Variants in ANKRD36C observed in about 807,000 individuals in gnomAD.
The protein encoded by ANKRD36C is ankyrin repeat domain 36C.
A neutral mutation model predicts 276.4 loss-of-function variants in ANKRD36C; 61 were observed. The observed-to-expected ratio is 0.22, with a 90% CI of 0.18 to 0.27. ANKRD36C has a LOEUF of 0.27. ANKRD36C is among the 10% of genes least tolerant of loss of function. The pLI, the probability that ANKRD36C is intolerant of heterozygous loss-of-function variation, is 1.00. For missense variants in ANKRD36C, 1,447 were observed against 2,032.3 expected, an observed-to-expected ratio of 0.71 and a Z score of 5.54; for synonymous variants, 483 against 680.1, an observed-to-expected ratio of 0.71 and a Z score of 4.51.
chr2:95,972,301 A>G (rs1678716144), intron 6 of ANKRD36C, among the ~76,000 whole-genome samples: 2 of 152,206 alleles, frequency 1.3e-5, no homozygotes, highest in African/African-American at 4.8e-5. Flanking sequence ...TGTGTGAGAC[A>G]GAATGCCTAT....
intron 19 of ANKRD36C, among the ~76,000 whole-genome samples, chr2:95,941,483 G>A (rs1677890256): frequency 1.3e-5 from 2 of 152,332 alleles, no homozygotes; most frequent in Non-Finnish European, 2.9e-5. Flanking sequence ...GGAAGCTTCT[G>A]AGACACTGTA....
chr2:95,891,525 GA>G (rs1676357755), intron 46 of ANKRD36C, 139 bp downstream of exon 66: 13 of 1,202,858 alleles, frequency 1.1e-5, no homozygotes, highest in Non-Finnish European at 1.4e-5. Flanking sequence ...CATCACCCAA[GA>G]ACTTATTTGA....
chr2:95,981,235 A>G (rs971120331), intron 4 of ANKRD36C, among the ~76,000 whole-genome samples: 2 of 151,610 alleles, frequency 1.3e-5, no homozygotes, highest in African/African-American at 4.8e-5. Flanking sequence ...AATGATGCTC[A>G]TAAGCATGTG....
chr2:95,982,503 G>A (rs1678943353), intron 3 of ANKRD36C, 141 bp from the exon 4 acceptor site: 1 of 701,162 alleles, frequency 1.4e-6, no homozygotes, highest in Non-Finnish European at 2.2e-6. Flanking sequence ...TCCCTCCTCG[G>A]TGCTTTTCTA....
At chr2:95,964,711 G>A (rs2104512026) in intron 6 of ANKRD36C, among the ~76,000 whole-genome samples, 1 of 151,974 alleles carries the variant, frequency 6.6e-6, no homozygotes, top group African/African-American at 2.4e-5. Context: ...CTCTTATTTT[G>A]TCTCTATGCT....
chr2:95,865,600 G>A (rs2950733), intron 60 of ANKRD36C, among the ~76,000 whole-genome samples: 1 of 152,042 alleles, frequency 6.6e-6, no homozygotes, highest in Non-Finnish European at 1.5e-5. Flanking sequence ...TCTAAACACA[G>A]AATACATTTG....
At chr2:95,974,024 C>T (rs1363362079) in intron 6 of ANKRD36C, among the ~76,000 whole-genome samples, 2 of 150,350 alleles carry the variant, frequency 1.3e-5, no homozygotes, top group South Asian at 2.1e-4. Context: ...GTGCTCTAGC[C>T]TGGGAAACAG....
intron 6 of ANKRD36C, among the ~76,000 whole-genome samples, chr2:95,973,031 G>A (rs1329358310): frequency 1.3e-5 from 2 of 151,990 alleles, no homozygotes; most frequent in African/African-American, 2.4e-5. Flanking sequence ...GATTGCTTGA[G>A]ATCAAAAGTT....
intron 59 of ANKRD36C, among the ~76,000 whole-genome samples, chr2:95,872,315 T>A (rs903634207): frequency 2.0e-5 from 3 of 151,062 alleles, no homozygotes; most frequent in South Asian, 2.1e-4. Flanking sequence ...TAACAAACTG[T>A]CTGTCAGACC....
At chr2:95,885,267 C>T (rs954666176) in intron 52 of ANKRD36C, among the ~76,000 whole-genome samples, 9 of 151,674 alleles carry the variant, frequency 5.9e-5, no homozygotes, top group Non-Finnish European at 1.3e-4. Context: ...CATCCAATAG[C>T]TATTTTACCC....
At chr2:95,881,470 G>A (rs1676075987) in intron 56 of ANKRD36C, among the ~76,000 whole-genome samples, 1 of 151,234 alleles carries the variant, frequency 6.6e-6, no homozygotes, top group Non-Finnish European at 1.5e-5. Flanking sequence ...TGTAAAATTA[G>A]TCTGCTCTGG....
chr2:95,884,255 A>C lies in ANKRD36C; in HGVS notation c.3193-10T>G. The C allele has an allele frequency of 6.2e-7, 1 of 1,610,070 alleles. No individual in the cohort carries two copies. On this transcript the variant is annotated splice_polypyrimidine_tract_variant and intron_variant, in intron 53 of 66. Coordinates refer to ENST00000456556, the Ensembl canonical transcript of ANKRD36C. ...TCTCATCACCTGTAGCCTGAATGGAATTTGAAACAAAATAATAAATCAATA... is the reference window on the plus strand; with the variant it reads ...TCTCATCACCTGTAGCCTGAATGGACTTTGAAACAAAATAATAAATCAATA...
exon 42 of ANKRD36C, chr2:95,912,299 T>C (rs1676952482): frequency 1.3e-6 from 2 of 1,573,838 alleles, no homozygotes; most frequent in African/African-American, 1.4e-5. Flanking sequence ...AAAAAGAATC[T>C]TTCTCATCAC....
intron 6 of ANKRD36C, among the ~76,000 whole-genome samples, chr2:95,974,050 CAA>C (rs1207476983): frequency 1.5e-4 from 13 of 87,304 alleles, no homozygotes; most frequent in Non-Finnish European, 1.5e-4. Context: ...GACTCAATCT[CAA>C]AAAAAAAAAA....
chr2:95,860,321 TAA>T (rs976290154), intron 60 of ANKRD36C, among the ~76,000 whole-genome samples: 69 of 133,836 alleles, frequency 5.2e-4, no homozygotes, highest in Non-Finnish European at 8.1e-4. Context: ...ATAGGTCCTG[TAA>T]AAAAAAAAAA....
intron 14 of ANKRD36C, among the ~76,000 whole-genome samples, chr2:95,953,415 G>C (rs1037343863): frequency 6.6e-6 from 1 of 151,770 alleles, no homozygotes; most frequent in Non-Finnish European, 1.5e-5. Context: ...ACAGAGCCAG[G>C]AATAAAAATA....
chr2:95,936,893 A>T (rs1326278737), intron 22 of ANKRD36C, among the ~76,000 whole-genome samples: 37 of 150,736 alleles, frequency 2.5e-4, no homozygotes, highest in African/African-American at 9.0e-4. Flanking sequence ...CCTTCTTCAC[A>T]ACAGCAGCCC....
At chr2:95,912,897 A>G (rs1323131022) in intron 40 of ANKRD36C, among the ~76,000 whole-genome samples, 1 of 151,390 alleles carries the variant, frequency 6.6e-6, no homozygotes, top group Non-Finnish European at 1.5e-5. Context: ...AAGGCACACA[A>G]TTACGATGAC....
chr2:95,989,210 A>G (rs1679089127), intron 1 of ANKRD36C, among the ~76,000 whole-genome samples: 1 of 152,164 alleles, frequency 6.6e-6, no homozygotes, highest in South Asian at 2.1e-4. Flanking sequence ...AAAATAAAAT[A>G]GAAACTGAGA....
Sources: gnomAD v4.1 joint callset for allele counts (sites outside exome capture counted in the v4.1 genomes callset) on GRCh38, gnomAD v4.1.1 for gene constraint, MANE v1.5 for transcripts, NCBI Gene and HGNC (gene_info 2026-07-23, HGNC 2026-07-21) for gene names.